Variants in CLOCK observed in about 807,000 individuals in gnomAD.
CLOCK encodes clock circadian regulator.
A neutral mutation model predicts 118.4 loss-of-function variants in CLOCK; 43 were observed. The observed-to-expected ratio is 0.36, with a 90% confidence interval of 0.28 to 0.47. CLOCK has a LOEUF of 0.47. Ranked by LOEUF, CLOCK falls within the 20% of genes least tolerant of loss-of-function variation. The probability of loss-of-function intolerance (pLI) is 1.00; values close to 1 mark genes in which losing one functional copy is unlikely to be tolerated. For synonymous variants in CLOCK, 326 were observed against 339.2 expected (o/e 0.96, Z 0.43); for missense variants, 846 against 999.9 (o/e 0.85, Z 2.08).
intron 1 of CLOCK, among the ~76,000 whole-genome samples, chr4:55,527,212 T>C (rs1057446047): frequency 2.0e-5 from 3 of 152,088 alleles, no homozygotes; most frequent in Admixed American, 6.6e-5. Flanking sequence ...AGATAAATAA[T>C]ATGTGGAATA....
intron 1 of CLOCK, among the ~76,000 whole-genome samples, chr4:55,538,612 AG>A (rs1402533765): frequency 6.6e-6 from 1 of 152,192 alleles, no homozygotes; most frequent in Non-Finnish European, 1.5e-5. Context: ...AAAAGAAAAA[AG>A]GGGCAGAATA....
chr4:55,541,856 C>T (rs1046181780), intron 1 of CLOCK, among the ~76,000 whole-genome samples: 2 of 151,444 alleles, frequency 1.3e-5, no homozygotes, highest in Non-Finnish European at 2.9e-5. Context: ...CAACTCCTTA[C>T]GTTATCAAGA....
At chr4:55,477,516 G>A (rs1411620605) in intron 6 of CLOCK, among the ~76,000 whole-genome samples, 11 of 152,068 alleles carry the variant, frequency 7.2e-5, no homozygotes, top group Non-Finnish European at 1.6e-4. Flanking sequence ...AGTCTTAGGT[G>A]ACTAAAAGGA....
chr4:55,506,120 C>T (rs1728781141), intron 2 of CLOCK, among the ~76,000 whole-genome samples: 2 of 152,164 alleles, frequency 1.3e-5, no homozygotes, highest in South Asian at 4.2e-4. Context: ...TTCCCTCTTC[C>T]AATACTGAAT....
chr4:55,463,291 A>T (rs1314243498), intron 9 of CLOCK, among the ~76,000 whole-genome samples: 2 of 152,140 alleles, frequency 1.3e-5, no homozygotes, highest in African/African-American at 4.8e-5. Context: ...AGAAACATAG[A>T]AATTTTTTCC....
chr4:55,485,582 C>G (rs1367090787), intron 3 of CLOCK, among the ~76,000 whole-genome samples: 1 of 152,136 alleles, frequency 6.6e-6, no homozygotes, highest in Non-Finnish European at 1.5e-5. Context: ...CTTCCCTACA[C>G]AAGCTGAAGT....
At chr4:55,467,050 C>A (rs1725783577) in intron 8 of CLOCK, among the ~76,000 whole-genome samples, 1 of 152,136 alleles carries the variant, frequency 6.6e-6, no homozygotes, top group Non-Finnish European at 1.5e-5. Context: ...CATGGGAATT[C>A]TCTGTACTAC....
intron 1 of CLOCK, among the ~76,000 whole-genome samples, chr4:55,513,095 A>T (rs1260795044): frequency 1.3e-5 from 2 of 152,268 alleles, no homozygotes; most frequent in Non-Finnish European, 1.5e-5. Context: ...AAGCCTTCAC[A>T]TTCAATCATC....
At chr4:55,507,478 T>TGGC (rs1300124637) in intron 2 of CLOCK, among the ~76,000 whole-genome samples, 2 of 152,006 alleles carry the variant, frequency 1.3e-5, no homozygotes, top group Non-Finnish European at 2.9e-5. Flanking sequence ...CCAGGCATGG[T>TGGC]GGCGCATGCT....
chr4:55,541,182 T>C (rs894852029), intron 1 of CLOCK, among the ~76,000 whole-genome samples: 1 of 152,230 alleles, frequency 6.6e-6, no homozygotes, highest in Non-Finnish European at 1.5e-5. Flanking sequence ...GGAATCTCGG[T>C]ATCCACCTGT....
chr4:55,463,889 C>T, intron 8 of CLOCK, 84 bp from the exon 9 acceptor site: 1 of 1,310,084 alleles, frequency 7.6e-7, no homozygotes, highest in Non-Finnish European at 1.0e-6. Flanking sequence ...CTATTAAACA[C>T]AGCAGTTAAC....
intron 9 of CLOCK, among the ~76,000 whole-genome samples, 190 bp downstream of exon 9, chr4:55,463,495 C>T (rs909466856): frequency 6.6e-6 from 1 of 151,958 alleles, no homozygotes; most frequent in Admixed American, 6.5e-5. Flanking sequence ...TCAATATACA[C>T]TGAAATAGAT....
At position 55,428,540 on chromosome 4, in the gene CLOCK, A is replaced by G. The variant is rs1003031070; in HGVS notation, c.*6875T>C. On this transcript the variant is annotated 3_prime_UTR_variant, in exon 23 of 23. Transcript: ENST00000513440. ...TTTCTATAAATCATTTTGGATTTCA[A>G]TTAAATCTTTGCCTTAGTAAAGGGT... The G allele has an allele frequency of 5.9e-5, 9 of 152,222 alleles. No homozygotes were observed. The highest frequency in any genetic ancestry group is 1.9e-4 in the East Asian group (1 of 5,204). The allele number at this position is 152,222 out of a possible 1,614,324, so 9.4% of individuals were successfully genotyped here. A position where few individuals can be genotyped will look rare whatever the true frequency, so the allele number is the denominator to read the frequency against.
At chr4:55,501,370 C>T (rs1368001003) in intron 2 of CLOCK, among the ~76,000 whole-genome samples, 3 of 152,068 alleles carry the variant, frequency 2.0e-5, no homozygotes, top group African/African-American at 7.2e-5. Context: ...TTGTGTATTT[C>T]AGTGTACTAT....
intron 4 of CLOCK, among the ~76,000 whole-genome samples, chr4:55,479,973 T>C (rs1726802998): frequency 6.6e-6 from 1 of 152,230 alleles, no homozygotes; most frequent in South Asian, 2.1e-4. Context: ...AGTTTAAATA[T>C]CTTGTTTCAA....
chr4:55,467,898 T>C (rs1006497777), intron 8 of CLOCK, among the ~76,000 whole-genome samples: 2 of 152,216 alleles, frequency 1.3e-5, no homozygotes, highest in African/African-American at 4.8e-5. Flanking sequence ...TCAAAGTTAT[T>C]TTCTGTATGA....
chr4:55,463,552 T>A, intron 9 of CLOCK, 133 bp downstream of exon 9: 1 of 650,704 alleles, frequency 1.5e-6, no homozygotes, highest in African/African-American at 1.8e-5. Context: ...TATATTTTAA[T>A]ATTGAAAAAG....
chr4:55,504,283 C>T (rs1344021873), intron 2 of CLOCK, among the ~76,000 whole-genome samples: 2 of 51,950 alleles, frequency 3.8e-5, no homozygotes, highest in Non-Finnish European at 7.0e-5. Context: ...GAGACTCCAT[C>T]AAAAAAAAAA....
intron 16 of CLOCK, 104 bp downstream of exon 16, chr4:55,449,987 A>T: frequency 7.3e-7 from 1 of 1,371,564 alleles, no homozygotes; most frequent in Admixed American, 2.0e-5. Flanking sequence ...AAATGTAAAA[A>T]CTTATAATTT....
Sources: allele counts gnomAD v4.1 joint callset (sites outside exome capture counted in the v4.1 genomes callset), GRCh38; gene constraint gnomAD v4.1.1; transcripts MANE v1.5; gene names NCBI Gene and HGNC (gene_info 2026-07-23, HGNC 2026-07-21).